The following DNAH3 variants were observed in gnomAD, a reference collection of about 807,000 sequenced individuals.
DNAH3 encodes the protein axonemal beta dynein heavy chain 3.
A neutral mutation model predicts 432.5 loss-of-function variants in DNAH3; 332 were observed. That is an observed-to-expected ratio of 0.77 (90% CI 0.70 to 0.84). DNAH3 has a LOEUF of 0.84. Among genes scored for constraint, DNAH3 ranks in the 40% least tolerant of loss-of-function variants. DNAH3 has a pLI of 0.00. For missense variants in DNAH3, 4,861 were observed against 5,114.0 expected (o/e 0.95, Z 1.51); for synonymous variants, 1,956 against 1,900.2 (o/e 1.03, Z -0.76).
At chr16:21,004,952 C>T (rs918165312) in intron 41 of DNAH3, among the ~76,000 whole-genome samples, 2 of 152,112 alleles carry the variant, frequency 1.3e-5, no homozygotes, top group Admixed American at 1.3e-4. Context: ...TGTCAGGGTT[C>T]ATATTCATTT....
intron 54 of DNAH3, among the ~76,000 whole-genome samples, chr16:20,958,168 G>T (rs1046324263): frequency 6.6e-6 from 1 of 151,562 alleles, no homozygotes; most frequent in Non-Finnish European, 1.5e-5. Flanking sequence ...GACTTCTCAG[G>T]CTCAGGTGAT....
intron 18 of DNAH3, among the ~76,000 whole-genome samples, chr16:21,092,401 A>C (rs2091561443): frequency 6.6e-6 from 1 of 152,086 alleles, no homozygotes; most frequent in Admixed American, 6.6e-5. Context: ...AAGATGAAAA[A>C]ATTGGACATC....
chr16:21,027,181 G>C, intron 37 of DNAH3, 54 bp from the exon 38 acceptor site: 1 of 1,285,252 alleles, frequency 7.8e-7, no homozygotes. Context: ...AATTCCATCT[G>C]CAAGTAAGAG....
chr16:21,156,590 A>G (rs1475481084), intron 1 of DNAH3, among the ~76,000 whole-genome samples: 1 of 152,168 alleles, frequency 6.6e-6, no homozygotes, highest in Non-Finnish European at 1.5e-5. Flanking sequence ...ATCACCTCCC[A>G]AAAACCCCAT....
At chr16:20,974,838 T>A (rs545614661) in intron 51 of DNAH3, among the ~76,000 whole-genome samples, 47 of 151,554 alleles carry the variant, frequency 3.1e-4, no homozygotes, top group Admixed American at 8.6e-4. Flanking sequence ...TTATTATTTT[T>A]TTAGAGTTTC....
chr16:21,121,927 A>G lies in DNAH3; in HGVS notation c.1584+18T>C. On this transcript the variant is annotated intron_variant, in intron 10 of 61. Coordinates refer to ENST00000261383, the Ensembl canonical transcript of DNAH3. ...AGTGAAAAAATCATGCAAATGAATG[A>G]TTAAGTGACTACTATACCTTGGGGA... 6.3e-7 allele frequency: 1 copy of G among 1,575,312 alleles called. No homozygotes were observed.
rs2085259336 is a variant in DNAH3 at position 20,969,955 on chromosome 16, A to G, written c.8295T>C (p.Pro2765=). The change falls in exon 52 of 62, where the codon CCT becomes CCC. Residue 2765 remains proline (P), a synonymous_variant. Coordinates refer to ENST00000261383, the Ensembl canonical transcript of DNAH3. ...GAGCAGCTAGTGCAGCCTCGAGTGC[A>G]GGCATTGCCTCAGCTAGGTCCCCCT... 3.1e-6 allele frequency: 5 copies of G among 1,614,104 alleles called. No homozygotes were observed. The East Asian group carries it at 1.1e-4, about 36-fold the overall frequency.
chr16:21,025,533 GATATA>G (rs975586322), intron 38 of DNAH3, among the ~76,000 whole-genome samples: 19 of 148,128 alleles, frequency 1.3e-4, no homozygotes, highest in South Asian at 2.1e-4. Context: ...TGTAATTATA[GATATA>G]ATATATTTAT....
Position 21,081,737 on chromosome 16 carries a change from A to G in DNAH3, c.2878-10T>C, listed in dbSNP as rs930365306. ...CAACAATCTCACTGATCTGCAAAGA[A>G]AAGAGGAAAGCAAATGTTTGTTGTC... On this transcript the variant is annotated splice_polypyrimidine_tract_variant and intron_variant, in intron 19 of 61. Transcript: ENST00000261383. The G allele has an allele frequency of 1.2e-6, 2 of 1,611,666 alleles. No homozygotes were observed. The highest frequency in any genetic ancestry group is 1.7e-6 in the Non-Finnish European group (2 of 1,178,024).
intron 18 of DNAH3, 87 bp from the exon 19 acceptor site, chr16:21,087,147 C>G: frequency 8.7e-7 from 1 of 1,147,760 alleles, no homozygotes. Flanking sequence ...AGAGCTGTGC[C>G]TCCTGTCGTT....
At chr16:21,042,798 T>C (rs2089506894) in intron 31 of DNAH3, among the ~76,000 whole-genome samples, 1 of 152,188 alleles carries the variant, frequency 6.6e-6, no homozygotes, top group East Asian at 1.9e-4. Context: ...ATTAAGTATA[T>C]CTCCCGATGC....
chr16:21,114,952 T>C (rs1372339634), intron 12 of DNAH3, among the ~76,000 whole-genome samples: 3 of 152,218 alleles, frequency 2.0e-5, no homozygotes, highest in African/African-American at 7.2e-5. Flanking sequence ...CGTATGTTTA[T>C]TGTGGCACTA....
chr16:20,942,151 G>C (rs554672269), intron 58 of DNAH3, among the ~76,000 whole-genome samples: 6 of 152,018 alleles, frequency 3.9e-5, no homozygotes, highest in Non-Finnish European at 7.4e-5. Flanking sequence ...GCTCAGCCAG[G>C]TAGCTTCAGG....
chr16:21,098,234 G>A lies in DNAH3; in HGVS notation c.2520+382C>T, dbSNP rs373828083. ...AGGCAGGTGGATCACTTGGGGTCAGGAGTTCAAGACCAGCCTGGCCAACAT... is the reference window on the plus strand; with the variant it reads ...AGGCAGGTGGATCACTTGGGGTCAGAAGTTCAAGACCAGCCTGGCCAACAT... On this transcript the variant is annotated intron_variant, in intron 17 of 61. Transcript: ENST00000261383. 8.6e-5 allele frequency among the ~76,000 whole-genome samples: 13 copies of A among 151,926 alleles called. No homozygotes were observed. In the East Asian group the frequency reaches 1.5e-3, roughly 18 times the overall value.
In DNAH3 at chr16:21,042,008, T is replaced by C; in HGVS notation, c.4638+19A>G. On this transcript the variant is annotated intron_variant, in intron 32 of 61. Coordinates refer to ENST00000261383, the Ensembl canonical transcript of DNAH3. ...TATTCTAAAAAGCACACCCCACATG[T>C]ATATCTGCTGGCATTTACCTTGAGA... 6.2e-7 allele frequency: 1 copy of C among 1,613,440 alleles called. No individual in the cohort carries two copies. The highest frequency in any genetic ancestry group is 8.5e-7 in the Non-Finnish European group (1 of 1,179,842).
chr16:21,069,317 C>T, intron 23 of DNAH3, 98 bp downstream of exon 23: 5 of 1,087,300 alleles, frequency 4.6e-6, no homozygotes, highest in Non-Finnish European at 6.8e-6. Context: ...TTCCAAAACT[C>T]TAGTTCATTT....
chr16:21,000,657 T>A, intron 42 of DNAH3, 139 bp from the exon 43 acceptor site: 1 of 673,370 alleles, frequency 1.5e-6, no homozygotes, highest in Non-Finnish European at 2.4e-6. Flanking sequence ...AACCTCTCCA[T>A]GGGCCTCAGT....
At chr16:21,073,563 G>A (rs927332352) in intron 21 of DNAH3, among the ~76,000 whole-genome samples, 10 of 152,130 alleles carry the variant, frequency 6.6e-5, no homozygotes, top group Non-Finnish European at 1.5e-4. Flanking sequence ...ATTGCACCTT[G>A]ATTTGCTGAG....
At chr16:20,997,747 C>T (rs561130821) in intron 43 of DNAH3, among the ~76,000 whole-genome samples, 1 of 151,440 alleles carries the variant, frequency 6.6e-6, no homozygotes, top group Non-Finnish European at 1.5e-5. Flanking sequence ...GCCTATAATC[C>T]CAGCACTGTG....
Sources: gnomAD v4.1 joint callset for allele counts (sites outside exome capture counted in the v4.1 genomes callset) on GRCh38, gnomAD v4.1.1 for gene constraint, MANE v1.5 for transcripts, NCBI Gene and HGNC (gene_info 2026-07-23, HGNC 2026-07-21) for gene names.